The following SNCAIP variants were observed in gnomAD, a reference collection of about 807,000 sequenced individuals.
SNCAIP encodes the protein synuclein alpha interacting protein, also known as synphilin-1.
A neutral mutation model predicts 86.7 loss-of-function variants in SNCAIP; 43 were observed. That is an observed-to-expected ratio of 0.50 (90% CI 0.39 to 0.64). The LOEUF is 0.64. SNCAIP is among the 30% of genes least tolerant of loss of function. The pLI is 0.00. For synonymous variants in SNCAIP, 417 were observed against 427.2 expected (o/e 0.98, Z 0.29); for missense variants, 981 against 1,103.1 (o/e 0.89, Z 1.57).
At chr5:122,458,152 G>A (rs889611227) in intron 10 of SNCAIP, among the ~76,000 whole-genome samples, 5 of 152,170 alleles carry the variant, frequency 3.3e-5, no homozygotes, top group Non-Finnish European at 5.9e-5. Flanking sequence ...GAAGACCCTC[G>A]TACTCTCTTA....
chr5:122,360,300 G>A (rs1044315087), intron 1 of SNCAIP, among the ~76,000 whole-genome samples: 1 of 152,200 alleles, frequency 6.6e-6, no homozygotes, highest in Non-Finnish European at 1.5e-5. Context: ...CAATGGAATA[G>A]AATGCCTGAT....
At chr5:122,440,833 G>A in intron 7 of SNCAIP, 79 bp downstream of exon 7, 1 of 1,292,816 alleles carries the variant, frequency 7.7e-7, no homozygotes, top group Non-Finnish European at 1.1e-6. Context: ...TGTTCACTAG[G>A]AGAATGTCTG....
At chr5:122,455,438 A>C (rs1319081660) in intron 10 of SNCAIP, among the ~76,000 whole-genome samples, 1 of 152,140 alleles carries the variant, frequency 6.6e-6, no homozygotes, top group African/African-American at 2.4e-5. Context: ...CTCAGCTATG[A>C]CTCCAAATCT....
intron 3 of SNCAIP, among the ~76,000 whole-genome samples, chr5:122,415,093 G>A (rs953999655): frequency 1.3e-5 from 2 of 152,198 alleles, no homozygotes; most frequent in African/African-American, 4.8e-5. Flanking sequence ...GTATACTTGT[G>A]AAGTGTATGG....
chr5:122,444,460 G>A, intron 7 of SNCAIP, 103 bp from the exon 8 acceptor site: 1 of 1,049,810 alleles, frequency 9.5e-7, no homozygotes, highest in Admixed American at 1.7e-5. Context: ...CTGCTGAAAG[G>A]TCCCTAGAGG....
At chr5:122,332,592 A>G (rs1041021782) in intron 1 of SNCAIP, among the ~76,000 whole-genome samples, 2 of 152,250 alleles carry the variant, frequency 1.3e-5, no homozygotes, top group African/African-American at 4.8e-5. Flanking sequence ...TTATATGACA[A>G]GACCTAGAGC....
intron 4 of SNCAIP, 61 bp from the exon 5 acceptor site, chr5:122,425,291 C>T (rs1303134555): frequency 3.0e-6 from 4 of 1,353,042 alleles, no homozygotes; most frequent in Admixed American, 1.7e-5. Context: ...CAGAGAAAAA[C>T]TCCTACAGGG....
At chr5:122,444,242 G>A in intron 7 of SNCAIP, 2 of 492,170 alleles carry the variant, frequency 4.1e-6, no homozygotes, top group Non-Finnish European at 8.0e-6. Flanking sequence ...GACTATGAGT[G>A]ATTCTCTTGG....
chr5:122,340,018 G>A (rs1049988426), intron 1 of SNCAIP, among the ~76,000 whole-genome samples: 21 of 152,150 alleles, frequency 1.4e-4, no homozygotes, highest in Non-Finnish European at 2.6e-4. Flanking sequence ...TCAACAAGAA[G>A]CCAATCTCCT....
chr5:122,387,926 T>A (rs1265245093), intron 1 of SNCAIP, among the ~76,000 whole-genome samples: 1 of 152,252 alleles, frequency 6.6e-6, no homozygotes, highest in Admixed American at 6.5e-5. Context: ...AAATTAAATC[T>A]TAGAATACAA....
chr5:122,401,027 G>A (rs919662007), intron 2 of SNCAIP: 3 of 1,550,130 alleles, frequency 1.9e-6, no homozygotes, highest in Non-Finnish European at 2.6e-6. Flanking sequence ...AGCTTGGATT[G>A]GAGGACACAG....
rs1158744677 is a variant in SNCAIP, at chr5:122,328,857, C to T, written c.-47+16573C>T. Among the ~76,000 whole-genome samples the T allele has an allele frequency of 1.2e-4, 18 of 152,306 alleles. No individual in the cohort carries two copies. In the East Asian group the frequency reaches 2.7e-3, roughly 23 times the overall value. Reference sequence around the variant, plus strand: ...GGCCAGTCCCTTACCCTTTTCTAGCCTTATTGAATAACTTGAAGATTCCTA... The same window carrying T: ...GGCCAGTCCCTTACCCTTTTCTAGCTTTATTGAATAACTTGAAGATTCCTA... On this transcript the variant is annotated intron_variant, in intron 1 of 10. Transcript: ENST00000261368.
In SNCAIP at chr5:122,451,320, A is replaced by G. The variant is rs1303105258; in HGVS notation, c.2473A>G (p.Met825Val). The change falls in exon 10 of 11, where the codon ATG (methionine) becomes GTG (valine). Residue 825 changes from methionine (M) to valine (V), a missense_variant. By Grantham distance (21) the Met-to-Val change is conservative. Coordinates refer to ENST00000261368, the MANE Select transcript of SNCAIP (RefSeq NM_005460.4). ...RVTFEEPVVQ[M>V]EQPSLELNGE... The stretch of plus-strand genomic sequence containing the variant: ...TACCTTTGAGGAGCCTGTGGTGCAG[A>G]TGGAGCAGCCTAGCCTTGAACTGAA... 4.3e-6 allele frequency: 7 copies of G among 1,614,194 alleles called. No homozygotes were observed. Among genetic ancestry groups the G allele is most frequent in the Non-Finnish European group, 5.9e-6 (7 of 1,180,034 alleles).
intron 1 of SNCAIP, among the ~76,000 whole-genome samples, chr5:122,373,180 G>C (rs552735597): frequency 2.0e-5 from 3 of 152,056 alleles, no homozygotes; most frequent in African/African-American, 7.2e-5. Context: ...CTGTATATAG[G>C]AAATTGTATT....
intron 1 of SNCAIP, among the ~76,000 whole-genome samples, chr5:122,355,513 G>A (rs537715840): frequency 6.6e-6 from 1 of 152,164 alleles, no homozygotes; most frequent in South Asian, 2.1e-4. Context: ...CTATAAAATT[G>A]CCCATAAAAT....
chr5:122,396,210 G>T (rs1425220915), intron 2 of SNCAIP, among the ~76,000 whole-genome samples: 2 of 152,130 alleles, frequency 1.3e-5, no homozygotes, highest in Non-Finnish European at 2.9e-5. Flanking sequence ...TATGCCATAT[G>T]TGTTATCTTG....
rs75310155 is a variant in SNCAIP at position 122,345,367 on chromosome 5, C to G, written c.-47+33083C>G. Reference sequence around the variant, plus strand: ...GGATTTGTTTTTGTTTTTCCTTTCCCCATACCTACTTCCTGGGATATATAA... The same window carrying G: ...GGATTTGTTTTTGTTTTTCCTTTCCGCATACCTACTTCCTGGGATATATAA... On this transcript the variant is annotated intron_variant, in intron 1 of 10. Transcript: ENST00000261368. Among the ~76,000 whole-genome samples, 1,141 of 152,202 alleles carry G rather than the reference C, an allele frequency of 7.5e-3. 30 individuals are homozygous for G. Among genetic ancestry groups the G allele is most frequent in the Admixed American group, 0.033 (497 of 15,276 alleles).
intron 2 of SNCAIP, among the ~76,000 whole-genome samples, chr5:122,400,724 G>A (rs1240847206): frequency 6.6e-6 from 1 of 152,210 alleles, no homozygotes; most frequent in Non-Finnish European, 1.5e-5. Context: ...GGACCCCCAA[G>A]TAAAGGAACA....
chr5:122,391,978 C>T (rs763845390), intron 2 of SNCAIP, among the ~76,000 whole-genome samples: 26 of 152,202 alleles, frequency 1.7e-4, no homozygotes, highest in Non-Finnish European at 3.7e-4. Context: ...CTGAGCTAGA[C>T]ATACAACTTT....
Sources: allele counts gnomAD v4.1 joint callset (sites outside exome capture counted in the v4.1 genomes callset), GRCh38; gene constraint gnomAD v4.1.1; transcripts MANE v1.5; gene names NCBI Gene and HGNC (gene_info 2026-07-23, HGNC 2026-07-21).